SH3BGRL: variants seen among roughly 807,000 people sequenced by gnomAD.
The protein encoded by SH3BGRL is SH3 domain binding glutamate rich protein like, also known as adapter SH3BGRL.
SH3BGRL carries 7 observed loss-of-function variants against 9.8 expected under a neutral mutation model. That is an observed-to-expected ratio of 0.72 (90% CI 0.41 to 1.35). The LOEUF (loss-of-function observed/expected upper bound fraction) is 1.35. SH3BGRL is among the 40% of genes most tolerant of loss of function. The pLI is 0.01. For synonymous variants in SH3BGRL, 36 were observed against 29.1 expected (o/e 1.24, Z -0.76); for missense variants, 73 against 84.4 (o/e 0.86, Z 0.53).
At chrX:81,282,504 T>C (rs1376647185) in intron 3 of SH3BGRL, among the ~76,000 whole-genome samples, 1 of 111,741 alleles carries the variant, frequency 8.9e-6, no homozygotes, top group Non-Finnish European at 1.9e-5. Context: ...GGAATAAAAC[T>C]GGAAATCAAC....
chrX:81,284,609 T>C (rs754930809), intron 3 of SH3BGRL, among the ~76,000 whole-genome samples: 10 of 110,039 alleles, frequency 9.1e-5, no homozygotes, highest in Non-Finnish European at 1.5e-4. Flanking sequence ...TGGATGAAAT[T>C]AGGAGAAAGG....
At chrX:81,262,820 A>G (rs897164847) in intron 1 of SH3BGRL, among the ~76,000 whole-genome samples, 2 of 112,114 alleles carry the variant, frequency 1.8e-5, no homozygotes, top group African/African-American at 3.2e-5. Context: ...ATTAAAATCT[A>G]AAAACATTTT....
intron 1 of SH3BGRL, among the ~76,000 whole-genome samples, chrX:81,242,692 A>G (rs890757811): frequency 2.7e-5 from 3 of 111,926 alleles, no homozygotes; most frequent in Non-Finnish European, 5.6e-5. Flanking sequence ...ATTAATAACC[A>G]GAATACTTAA....
At chrX:81,283,674 T>C (rs950388254) in intron 3 of SH3BGRL, among the ~76,000 whole-genome samples, 2 of 111,437 alleles carry the variant, frequency 1.8e-5, no homozygotes, top group Non-Finnish European at 3.8e-5. Context: ...TACCTTAATG[T>C]AATAAAAGCC....
chrX:81,238,777 T>G (rs1406669028), intron 1 of SH3BGRL, among the ~76,000 whole-genome samples: 3 of 102,516 alleles, frequency 2.9e-5, no homozygotes, highest in Non-Finnish European at 5.9e-5. Context: ...GTTCCTACCT[T>G]TGGGTAGTGC....
At chrX:81,231,636 C>A (rs190063720) in intron 1 of SH3BGRL, among the ~76,000 whole-genome samples, 8 of 112,052 alleles carry the variant, frequency 7.1e-5, no homozygotes, top group African/African-American at 2.6e-4. Flanking sequence ...TAACCAATAG[C>A]TATTATCAAT....
At chrX:81,262,233 A>T (rs1378380374) in intron 1 of SH3BGRL, among the ~76,000 whole-genome samples, 1 of 111,183 alleles carries the variant, frequency 9.0e-6, no homozygotes, top group Non-Finnish European at 1.9e-5. Context: ...TTCTAAATAT[A>T]CAGTGATGAA....
intron 1 of SH3BGRL, among the ~76,000 whole-genome samples, chrX:81,203,289 T>C (rs1016676239): frequency 2.7e-5 from 3 of 111,745 alleles, no homozygotes; most frequent in Non-Finnish European, 5.6e-5. Context: ...TGTTGTGTGT[T>C]TTTATTTTTT....
intron 1 of SH3BGRL, among the ~76,000 whole-genome samples, chrX:81,209,345 T>A (rs1345443860): frequency 8.9e-6 from 1 of 111,884 alleles, no homozygotes; most frequent in Non-Finnish European, 1.9e-5. Context: ...AGACAACACT[T>A]ATTTATGCAT....
chrX:81,213,126 A>C (rs1236729887), intron 1 of SH3BGRL, among the ~76,000 whole-genome samples: 1 of 112,413 alleles, frequency 8.9e-6, no homozygotes, highest in Non-Finnish European at 1.9e-5. Flanking sequence ...TGTCTTGTGC[A>C]ACAGCTCATG....
At chrX:81,268,095 T>G (rs756110644) in intron 1 of SH3BGRL, among the ~76,000 whole-genome samples, 49 of 111,731 alleles carry the variant, frequency 4.4e-4, no homozygotes, top group Non-Finnish European at 8.3e-4. Flanking sequence ...TCTATTTGAT[T>G]CTTCTCTCTT....
intron 1 of SH3BGRL, among the ~76,000 whole-genome samples, chrX:81,249,158 A>G (rs765204817): frequency 3.5e-4 from 39 of 112,510 alleles, no homozygotes; most frequent in Non-Finnish European, 5.8e-4. Context: ...AACTATCTTT[A>G]TTGCTCTTCC....
intron 1 of SH3BGRL, among the ~76,000 whole-genome samples, chrX:81,221,807 A>T (rs1257602106): frequency 1.5e-4 from 17 of 112,240 alleles, no homozygotes; most frequent in Non-Finnish European, 5.6e-5. Flanking sequence ...CTTTTTTGTT[A>T]TTAATGTCAA....
chrX:81,226,397 G>T (rs1227235541), intron 1 of SH3BGRL, among the ~76,000 whole-genome samples: 1 of 106,600 alleles, frequency 9.4e-6, no homozygotes, highest in Non-Finnish European at 1.9e-5. Context: ...TACAATCTTG[G>T]CTGCCAGCTT....
At chrX:81,225,621 G>A (rs780498636) in intron 1 of SH3BGRL, among the ~76,000 whole-genome samples, 1 of 111,494 alleles carries the variant, frequency 9.0e-6, no homozygotes, top group Admixed American at 9.5e-5. Context: ...ATTCCATGGT[G>A]TATATTTTTA....
At chrX:81,215,666 C>T (rs1483468869) in intron 1 of SH3BGRL, among the ~76,000 whole-genome samples, 1 of 111,121 alleles carries the variant, frequency 9.0e-6, no homozygotes, top group South Asian at 3.8e-4. Flanking sequence ...ATTCTCCTGT[C>T]CCCCAACCAG....
intron 1 of SH3BGRL, among the ~76,000 whole-genome samples, chrX:81,273,676 G>A (rs929000092): frequency 1.1e-5 from 1 of 94,609 alleles, no homozygotes; most frequent in Non-Finnish European, 2.1e-5. Flanking sequence ...TTGGAAGGTC[G>A]ACACTTTCTT....
intron 1 of SH3BGRL, among the ~76,000 whole-genome samples, chrX:81,227,658 G>A (rs1237825857): frequency 5.4e-5 from 6 of 111,823 alleles, no homozygotes; most frequent in Non-Finnish European, 1.9e-5. Context: ...AAGACATAAT[G>A]ATTCCATTTG....
intron 1 of SH3BGRL, among the ~76,000 whole-genome samples, chrX:81,247,244 T>G (rs1338243468): frequency 2.7e-5 from 3 of 111,945 alleles, no homozygotes; most frequent in East Asian, 5.6e-4. Flanking sequence ...TGTAGAATCT[T>G]ATTGTCTGTG....
Sources: allele counts gnomAD v4.1 joint callset (sites outside exome capture counted in the v4.1 genomes callset), GRCh38; gene constraint gnomAD v4.1.1; transcripts MANE v1.5; gene names NCBI Gene and HGNC (gene_info 2026-07-23, HGNC 2026-07-21).